ANKRD30A: variants seen among roughly 807,000 people sequenced by gnomAD.
The protein encoded by ANKRD30A is ankyrin repeat domain-containing protein 30A.
In ANKRD30A, 170 loss-of-function variants were observed where a neutral mutation model predicts 166.3. That is an observed-to-expected ratio of 1.02 (90% CI 0.90 to 1.16). The LOEUF (loss-of-function observed/expected upper bound fraction) is 1.16, where lower values mean the gene tolerates loss of function less well. ANKRD30A is among the 50% of genes most tolerant of loss of function. The pLI, the probability that ANKRD30A is intolerant of heterozygous loss-of-function variation, is 0.00. For missense variants in ANKRD30A, 1,630 were observed against 1,518.0 expected, an observed-to-expected ratio of 1.07 and a Z score of -1.23; for synonymous variants, 564 against 508.9, an observed-to-expected ratio of 1.11 and a Z score of -1.46.
At chr10:37,257,377 G>GT in the ANKRD30A span, among the ~76,000 whole-genome samples, 1 of 150,836 alleles carries the variant, frequency 6.6e-6, no homozygotes. Flanking sequence ...TTTTTGAAGG[G>GT]TTTTTTGTGT....
At position 37,130,259 on chromosome 10, in the gene ANKRD30A, G is replaced by C. The variant is rs1231002205; in HGVS notation, c.391G>C (p.Asp131His). 6.2e-7 allele frequency: 1 copy of C among 1,603,070 alleles called. No homozygotes were observed. Among genetic ancestry groups the C allele is most frequent in the Admixed American group, 1.7e-5 (1 of 57,948 alleles). Reference sequence around the variant, plus strand: ...AAATATTCTGATAGATTCTGGTGCCGATATAAATCTCGTAGATGTGTATGG... The same window carrying C: ...AAATATTCTGATAGATTCTGGTGCCCATATAAATCTCGTAGATGTGTATGG... Reference protein sequence around the residue: ...CANILIDSGADINLVDVYGNT... With the variant: ...CANILIDSGAHINLVDVYGNT... The change falls in exon 3 of 36, where the codon GAT becomes CAT. Residue 131 changes from aspartate (D) to histidine (H), a missense_variant. Asp to His is a moderately conservative substitution (Grantham distance 81). Around this residue, in one of 4 missense-constraint regions of ANKRD30A, gnomAD observed 904 missense variants for 818.5 expected, o/e 1.10. Transcript: ENST00000361713.
At chr10:37,141,565 T>G (rs1837111719) in intron 6 of ANKRD30A, among the ~76,000 whole-genome samples, 153 bp from the exon 7 acceptor site, 1 of 123,298 alleles carries the variant, frequency 8.1e-6, no homozygotes, top group South Asian at 2.5e-4. Context: ...TGAGTGAGAC[T>G]CTGTCTCAAA....
At chr10:37,162,882 T>C in intron 17 of ANKRD30A, 34 bp downstream of exon 17, 1 of 1,599,952 alleles carries the variant, frequency 6.3e-7, no homozygotes, top group African/African-American at 1.3e-5. Context: ...GAAAGACCAA[T>C]ATTTCAATAT....
Position 37,219,790 on chromosome 10 carries a change from A to C in ANKRD30A, c.4078A>C (p.Lys1360Gln), listed in dbSNP as rs779318110. The change falls in exon 34 of 36, where the codon AAA becomes CAA. Residue 1360 changes from lysine (K) to glutamine (Q), a missense_variant. This residue lies in a region of ANKRD30A where 712 missense variants were observed against 629.3 expected (regional missense o/e 1.13). Transcript: ENST00000361713. ...AATTGATATTCATTTTCTTGAGAGG[A>C]AAATGCAACATCATCTCCTAAAAGA... is the stretch of plus-strand genomic sequence containing the variant. ...ITIDIHFLER[K>Q]MQHHLLKEKN... 6.2e-7 allele frequency: 1 copy of C among 1,607,210 alleles called. No homozygotes were observed. The highest frequency in any genetic ancestry group is 8.5e-7 in the Non-Finnish European group (1 of 1,175,858).
chr10:37,132,250 C>T lies in ANKRD30A; in HGVS notation c.521C>T (p.Thr174Ile). ...TTTGCTATTTTACAGGCTAGCCTCA[C>T]ACCACTTTTACTATCCATAACGAAA... ...VIEVHNKASL[T>I]PLLLSITKRS... is the part of the protein sequence containing the mutation. Residue 174 changes from threonine to isoleucine, a missense_variant, in exon 4 of 36, where the codon ACA becomes ATA. Physicochemically the swap from Thr to Ile is moderately conservative, Grantham distance 89 (BLOSUM62 -1). This residue lies in a region of ANKRD30A where 904 missense variants were observed against 818.5 expected (regional missense o/e 1.10). Transcript: ENST00000361713. 6.3e-7 allele frequency: 1 copy of T among 1,587,536 alleles called. No individual in the cohort carries two copies. Among genetic ancestry groups the T allele is most frequent in the Non-Finnish European group, 8.6e-7 (1 of 1,169,522 alleles).
At chr10:37,158,306 T>G in intron 13 of ANKRD30A, 86 bp from the exon 14 acceptor site, 2 of 1,494,710 alleles carry the variant, frequency 1.3e-6, no homozygotes, top group South Asian at 2.4e-5. Context: ...GCATGAGGAT[T>G]CATCTTCATG....
intron 34 of ANKRD30A, among the ~76,000 whole-genome samples, chr10:37,223,623 A>T (rs1842993404): frequency 1.3e-5 from 2 of 151,430 alleles, no homozygotes; most frequent in African/African-American, 4.8e-5. Context: ...TCCACAAATG[A>T]TACTAATGAA....
intron 15 of ANKRD30A, among the ~76,000 whole-genome samples, 172 bp downstream of exon 15, chr10:37,158,758 A>G (rs1838591491): frequency 6.6e-6 from 1 of 152,198 alleles, no homozygotes; most frequent in African/African-American, 2.4e-5. Context: ...TTACAAGCAT[A>G]AGATTTAGAG....
chr10:37,136,261 T>G (rs1328130606), intron 5 of ANKRD30A, among the ~76,000 whole-genome samples: 1 of 152,210 alleles, frequency 6.6e-6, no homozygotes, highest in African/African-American at 2.4e-5. Flanking sequence ...TAGAAGACAT[T>G]GAGCCTAAGA....
At chr10:37,147,523 T>A in intron 9 of ANKRD30A, 66 bp downstream of exon 9, 1 of 1,039,388 alleles carries the variant, frequency 9.6e-7, no homozygotes, top group Non-Finnish European at 1.4e-6. Flanking sequence ...TGATGACTGA[T>A]ATACTCTAAT....
intron 34 of ANKRD30A, among the ~76,000 whole-genome samples, chr10:37,220,105 A>G (rs1239056875): frequency 6.7e-6 from 1 of 148,420 alleles, no homozygotes; most frequent in Non-Finnish European, 1.5e-5. Flanking sequence ...CCACCAAATG[A>G]AAGTTAAAGC....
chr10:37,253,930 G>T, the ANKRD30A span, among the ~76,000 whole-genome samples: 1 of 152,116 alleles, frequency 6.6e-6, no homozygotes, highest in Non-Finnish European at 1.5e-5. Context: ...GATTACAGGC[G>T]TGAGCCACTG....
At chr10:37,165,340 T>A in intron 18 of ANKRD30A, among the ~76,000 whole-genome samples, 185 bp downstream of exon 18, 1 of 152,224 alleles carries the variant, frequency 6.6e-6, no homozygotes, top group Non-Finnish European at 1.5e-5. Flanking sequence ...AGTGAAATTC[T>A]GGGAATTTGT....
rs1333987090 is a variant in ANKRD30A, at chr10:37,130,208, C to G, written c.340C>G (p.Leu114Val). Residue 114 changes from leucine to valine, a missense_variant, in exon 3 of 36, where the codon CTA (leucine) becomes GTA (valine). Leu to Val is a conservative substitution (Grantham distance 32, BLOSUM62 1). Coordinates refer to ENST00000361713, the MANE Select transcript of ANKRD30A (RefSeq NM_052997.3). Reference protein sequence around the residue: ...GEHRTPLMKALQCHQEACANI... With the variant: ...GEHRTPLMKAVQCHQEACANI... Reference sequence around the variant, plus strand: ...ATTCTTGCTTTAATACTGACAGGCTCTACAATGCCATCAGGAGGCTTGTGC... The same window carrying G: ...ATTCTTGCTTTAATACTGACAGGCTGTACAATGCCATCAGGAGGCTTGTGC... 1.5e-5 allele frequency: 24 copies of G among 1,586,514 alleles called. No homozygotes were observed. The highest frequency in any genetic ancestry group is 2.0e-5 in the Non-Finnish European group (23 of 1,168,178).
At chr10:37,201,853 T>C (rs1230782743) in intron 31 of ANKRD30A, among the ~76,000 whole-genome samples, 1 of 152,096 alleles carries the variant, frequency 6.6e-6, no homozygotes, top group Non-Finnish European at 1.5e-5. Context: ...TGGAGAGCTG[T>C]GTTCTATTTG....
At chr10:37,209,231 T>A (rs893844143) in intron 31 of ANKRD30A, among the ~76,000 whole-genome samples, 6 of 152,206 alleles carry the variant, frequency 3.9e-5, no homozygotes, top group Non-Finnish European at 5.9e-5. Flanking sequence ...TGTATTAGGC[T>A]ATTTGTGCAT....
downstream of ANKRD30A, among the ~76,000 whole-genome samples, chr10:37,234,352 A>G (rs145475552): frequency 1.2e-4 from 18 of 152,320 alleles, no homozygotes; most frequent in East Asian, 3.1e-3. Context: ...AGCTTCAAAA[A>G]TACATCAGTC....
chr10:37,141,636 A>G, intron 6 of ANKRD30A, 82 bp from the exon 7 acceptor site: 1 of 1,557,504 alleles, frequency 6.4e-7, no homozygotes, highest in African/African-American at 1.4e-5. Context: ...AGCATACAGA[A>G]TGAGTAGAAG....
chr10:37,159,532 A>T (rs1445364457), intron 15 of ANKRD30A, among the ~76,000 whole-genome samples: 3 of 152,142 alleles, frequency 2.0e-5, no homozygotes, highest in Non-Finnish European at 2.9e-5. Context: ...AGAAATAAAA[A>T]AACAAAAACT....
Sources: allele counts gnomAD v4.1 joint callset (sites outside exome capture counted in the v4.1 genomes callset), GRCh38; gene constraint gnomAD v4.1.1; regional missense constraint gnomAD v4.1.1; transcripts MANE v1.5; gene names NCBI Gene and HGNC (gene_info 2026-07-23, HGNC 2026-07-21).